The following COL5A2 variants were observed in gnomAD, a reference collection of about 807,000 sequenced individuals.
COL5A2 encodes the protein collagen type V alpha 2 chain.
Under a neutral mutation model 208.2 loss-of-function variants are expected in COL5A2, and 23 were observed. That is an observed-to-expected ratio of 0.11 (90% CI 0.08 to 0.16). COL5A2 has a LOEUF of 0.16. COL5A2 is among the 10% of genes least tolerant of loss of function. The pLI, the probability that COL5A2 is intolerant of heterozygous loss-of-function variation, is 1.00. For synonymous variants in COL5A2, 625 were observed against 628.5 expected, an observed-to-expected ratio of 0.99 and a Z score of 0.08; for missense variants, 1,590 against 1,956.4, an observed-to-expected ratio of 0.81 and a Z score of 3.53.
rs1686069481 is a variant in COL5A2 at position 189,063,038 on chromosome 2, G to A, written c.1895C>T (p.Ala632Val). Residue 632 changes from alanine (A) to valine (V), a missense_variant, in exon 28 of 54, where the codon GCA becomes GTA. Ala to Val is a moderately conservative substitution (Grantham distance 64). Coordinates refer to ENST00000374866, the MANE Select transcript of COL5A2 (RefSeq NM_000393.5). ...CTGCCCAGGAACTCCAGCATTTCCT[G>A]CTTCTCCAGGTTTCCCAGGGTCACC... is the stretch of plus-strand genomic sequence containing the variant. Reference protein sequence around the residue: ...SSGDPGKPGEAGNAGVPGQRG... With the variant: ...SSGDPGKPGEVGNAGVPGQRG... The A allele has an allele frequency of 1.2e-6, 2 of 1,614,018 alleles. No individual in the cohort carries two copies. Among genetic ancestry groups the A allele is most frequent in the Admixed American group, 1.7e-5 (1 of 60,010 alleles).
chr2:189,272,065 A>G, the COL5A2 span, among the ~76,000 whole-genome samples: 1 of 152,282 alleles, frequency 6.6e-6, no homozygotes. Context: ...TGTTGGTGGG[A>G]GTGTAAATTA....
chr2:189,411,347 C>T, the COL5A2 span, among the ~76,000 whole-genome samples: 1 of 152,088 alleles, frequency 6.6e-6, no homozygotes, highest in Non-Finnish European at 1.5e-5. Context: ...AAGACTAGGA[C>T]CTGCTTCAAT....
At chr2:189,241,932 A>G in the COL5A2 span, among the ~76,000 whole-genome samples, 9 of 152,112 alleles carry the variant, frequency 5.9e-5, no homozygotes, top group Non-Finnish European at 1.3e-4. Flanking sequence ...ATGGTATCCC[A>G]TTTTATGTAC....
chr2:189,063,264 G>A lies in COL5A2; in HGVS notation c.1777C>T (p.Pro593Ser), dbSNP rs769965544. Reference protein sequence around the residue: ...PEGKLGPLGAPGEDGRPGPPG... With the variant: ...PEGKLGPLGASGEDGRPGPPG... Reference sequence around the variant, plus strand: ...GGACCTGGACGGCCATCTTCCCCTGGCGCACCCTATAGAATTGACAGGAGC... The same window carrying A: ...GGACCTGGACGGCCATCTTCCCCTGACGCACCCTATAGAATTGACAGGAGC... Residue 593 changes from proline (P) to serine (S), a missense_variant, in exon 27 of 54, where the codon CCA becomes TCA. By Grantham distance (74) the Pro-to-Ser change is moderately conservative. Transcript: ENST00000374866. The A allele has an allele frequency of 6.2e-7, 1 of 1,613,588 alleles. No individual in the cohort carries two copies. Among genetic ancestry groups the A allele is most frequent in the Non-Finnish European group, 8.5e-7 (1 of 1,179,848 alleles).
At chr2:189,372,761 T>C in the COL5A2 span, among the ~76,000 whole-genome samples, 1 of 152,186 alleles carries the variant, frequency 6.6e-6, no homozygotes, top group African/African-American at 2.4e-5. Context: ...ATACAGTCAT[T>C]ATAAAGTGGA....
intron 1 of COL5A2, among the ~76,000 whole-genome samples, chr2:189,113,357 G>A (rs1687320794): frequency 6.6e-6 from 1 of 152,112 alleles, no homozygotes; most frequent in Admixed American, 6.5e-5. Context: ...TAGCTCAGGA[G>A]TTCTAGGCTG....
At chr2:189,281,157 A>C in the COL5A2 span, among the ~76,000 whole-genome samples, 1 of 152,106 alleles carries the variant, frequency 6.6e-6, no homozygotes, top group South Asian at 2.1e-4. Context: ...GTCAGAATGG[A>C]TTTTTTATTA....
At chr2:189,167,759 A>C (rs961482078) in intron 1 of COL5A2, among the ~76,000 whole-genome samples, 5 of 151,182 alleles carry the variant, frequency 3.3e-5, no homozygotes, top group Non-Finnish European at 7.4e-5. Context: ...AGAGCAATGC[A>C]GAGTGGAAAA....
chr2:189,411,638 A>G, the COL5A2 span, among the ~76,000 whole-genome samples: 1 of 136,748 alleles, frequency 7.3e-6, no homozygotes, highest in Non-Finnish European at 1.6e-5. Context: ...AAGAAGTTAT[A>G]TAGGTGTTGA....
At chr2:189,066,915 T>C (rs908852910) in intron 21 of COL5A2, 133 bp from the exon 22 acceptor site, 4 of 704,238 alleles carry the variant, frequency 5.7e-6, no homozygotes, top group South Asian at 1.6e-5. Flanking sequence ...TATAATATAA[T>C]CATTTTTAAA....
intron 1 of COL5A2, among the ~76,000 whole-genome samples, chr2:189,214,562 A>T (rs180697662): frequency 6.6e-6 from 1 of 152,276 alleles, no homozygotes; most frequent in Admixed American, 6.5e-5. Flanking sequence ...AATTTATTAA[A>T]ATTTCTCTAT....
the COL5A2 span, among the ~76,000 whole-genome samples, chr2:189,319,706 G>T: frequency 1.3e-5 from 2 of 152,236 alleles, no homozygotes; most frequent in South Asian, 4.1e-4. Context: ...GCTCAAGGAG[G>T]CTGGCCTGCT....
At chr2:189,150,542 G>A (rs1688122931) in intron 1 of COL5A2, among the ~76,000 whole-genome samples, 1 of 152,154 alleles carries the variant, frequency 6.6e-6, no homozygotes, top group African/African-American at 2.4e-5. Flanking sequence ...AAATGCCAGT[G>A]TCTCCATGGA....
chr2:189,067,144 G>T, intron 21 of COL5A2, among the ~76,000 whole-genome samples: 1 of 152,100 alleles, frequency 6.6e-6, no homozygotes, highest in Non-Finnish European at 1.5e-5. Flanking sequence ...CATTTAGGCT[G>T]TATTTTAGGA....
At chr2:189,403,704 C>T in the COL5A2 span, among the ~76,000 whole-genome samples, 4 of 152,136 alleles carry the variant, frequency 2.6e-5, no homozygotes, top group Non-Finnish European at 5.9e-5. Context: ...GTTCTATTTA[C>T]GTGATAAATC....
chr2:189,132,452 A>T (rs749859250), intron 1 of COL5A2, among the ~76,000 whole-genome samples: 108 of 152,344 alleles, frequency 7.1e-4, no homozygotes, highest in Non-Finnish European at 1.2e-3. Context: ...AAACTATCTT[A>T]ACTTTATAAT....
intron 6 of COL5A2, among the ~76,000 whole-genome samples, chr2:189,096,880 G>C (rs1330113130): frequency 3.3e-5 from 5 of 152,054 alleles, no homozygotes. Context: ...TGCTACCTGG[G>C]AAATAAACTT....
chr2:189,375,971 C>A, the COL5A2 span, among the ~76,000 whole-genome samples: 10 of 152,238 alleles, frequency 6.6e-5, no homozygotes, highest in African/African-American at 2.4e-4. Flanking sequence ...AAAATGAGAT[C>A]TTTTTGCCCT....
the COL5A2 span, among the ~76,000 whole-genome samples, chr2:189,260,063 G>T: frequency 6.6e-6 from 1 of 152,210 alleles, no homozygotes; most frequent in African/African-American, 2.4e-5. Context: ...TTGACTATAG[G>T]CATCATGACA....
Sources: gnomAD v4.1 joint callset for allele counts (sites outside exome capture counted in the v4.1 genomes callset) on GRCh38, gnomAD v4.1.1 for gene constraint, MANE v1.5 for transcripts, NCBI Gene and HGNC (gene_info 2026-07-23, HGNC 2026-07-21) for gene names.